EAF2: variants seen among roughly 807,000 people sequenced by gnomAD.
EAF2 encodes ELL-associated factor 2.
EAF2 carries 29 observed loss-of-function variants against 29.4 expected under a neutral mutation model. That is an observed-to-expected ratio of 0.99 (90% CI 0.73 to 1.35). The LOEUF is 1.35. EAF2 is among the 40% of genes most tolerant of loss of function. The pLI is 0.00. For missense variants in EAF2, 292 were observed against 312.0 expected (o/e 0.94, Z 0.48); for synonymous variants, 103 against 102.5 (o/e 1.00, Z -0.03).
chr3:121,837,887 A>C (rs181248168), intron 1 of EAF2: 2 of 152,274 alleles, frequency 1.3e-5, no homozygotes, highest in Admixed American at 1.3e-4. Context: ...GACCTACTAG[A>C]ATCAATTTTG....
chr3:121,852,777 T>C (rs1391512403), intron 2 of EAF2, among the ~76,000 whole-genome samples: 1 of 152,222 alleles, frequency 6.6e-6, no homozygotes, highest in Non-Finnish European at 1.5e-5. Flanking sequence ...TTTTATTATT[T>C]TTGTAATATT....
chr3:121,873,021 T>A (rs768553650), intron 5 of EAF2: 1 of 737,656 alleles, frequency 1.4e-6, no homozygotes, highest in South Asian at 1.5e-5. Context: ...TTCAAGTTTA[T>A]ATGATCCTCT....
intron 4 of EAF2, among the ~76,000 whole-genome samples, chr3:121,871,852 A>G (rs1013904078): frequency 2.0e-5 from 3 of 151,966 alleles, no homozygotes; most frequent in Non-Finnish European, 2.9e-5. Flanking sequence ...AGCTTTTGAC[A>G]TTTCTGGATC....
At chr3:121,874,664 A>G (rs1709067717) in intron 5 of EAF2, among the ~76,000 whole-genome samples, 1 of 151,956 alleles carries the variant, frequency 6.6e-6, no homozygotes, top group Non-Finnish European at 1.5e-5. Context: ...GATATTTTAT[A>G]TTTTAGAATT....
chr3:121,868,063 A>C (rs1431585796), intron 4 of EAF2, among the ~76,000 whole-genome samples: 1 of 152,224 alleles, frequency 6.6e-6, no homozygotes, highest in Non-Finnish European at 1.5e-5. Context: ...CAAATAACAA[A>C]TTGACACACT....
chr3:121,867,109 A>G (rs1576651527), intron 4 of EAF2, among the ~76,000 whole-genome samples: 2 of 152,214 alleles, frequency 1.3e-5, no homozygotes, highest in East Asian at 3.8e-4. Flanking sequence ...CAACCTGAAA[A>G]TAGAAAATAG....
chr3:121,868,557 C>T (rs1472033875), intron 4 of EAF2, among the ~76,000 whole-genome samples: 1 of 152,138 alleles, frequency 6.6e-6, no homozygotes, highest in Non-Finnish European at 1.5e-5. Context: ...GAGATCACGC[C>T]ACTGCACTGC....
In EAF2 at chr3:121,840,513, A is replaced by G. The variant is rs1484053794; in HGVS notation, c.107-3940A>G. Among the ~76,000 whole-genome samples, 12 of 116,884 alleles carry G rather than the reference A, an allele frequency of 1.0e-4. 1 individual carries two copies. Among genetic ancestry groups the G allele is most frequent in the Admixed American group, 7.4e-4 (9 of 12,172 alleles). The allele number at this position is 116,884 out of a possible 152,430, so 76.7% of individuals were successfully genotyped here. ...TAAAAAAAAAAAAAAAAAAAAGAAAAAAAAAAAACGGGCCGGGTGCGGTGG... is the reference window on the plus strand; with the variant it reads ...TAAAAAAAAAAAAAAAAAAAAGAAAGAAAAAAAACGGGCCGGGTGCGGTGG... On this transcript the variant is annotated intron_variant, in intron 1 of 5. Coordinates refer to ENST00000273668, the MANE Select transcript of EAF2 (RefSeq NM_018456.6).
At chr3:121,866,723 TTAAAAAAA>T (rs1225887577) in intron 4 of EAF2, among the ~76,000 whole-genome samples, 1 of 149,650 alleles carries the variant, frequency 6.7e-6, no homozygotes, top group Non-Finnish European at 1.5e-5. Context: ...AAACTCCATC[TTAAAAAAA>T]TAAAAAAAAT....
At chr3:121,852,914 A>T (rs1191691680) in intron 2 of EAF2, among the ~76,000 whole-genome samples, 1 of 152,228 alleles carries the variant, frequency 6.6e-6, no homozygotes, top group African/African-American at 2.4e-5. Flanking sequence ...GACAAACGTA[A>T]AATTCCTTCA....
intron 3 of EAF2, 40 bp from the exon 4 acceptor site, chr3:121,856,971 C>T: frequency 1.3e-6 from 2 of 1,549,654 alleles, no homozygotes; most frequent in Non-Finnish European, 1.7e-6. Context: ...TGTTACATTG[C>T]TGTCATACCT....
chr3:121,875,844 AG>A (rs34083279), intron 5 of EAF2, among the ~76,000 whole-genome samples: 129,816 of 151,682 alleles, frequency 0.86, 55,910 homozygotes, highest in East Asian at 0.92. Flanking sequence ...GACTGGATAC[AG>A]TTGATGAATA....
intron 1 of EAF2, among the ~76,000 whole-genome samples, chr3:121,842,148 C>T (rs34865234): frequency 0.21 from 32,525 of 152,144 alleles, 3,978 homozygotes; most frequent in Non-Finnish European, 0.28. Flanking sequence ...CTAGCCACTG[C>T]ACTCCAGCAT....
At position 121,847,533 on chromosome 3, in the gene EAF2, G is replaced by C. The variant is rs569192090; in HGVS notation, c.201+2986G>C. On this transcript the variant is annotated intron_variant, in intron 2 of 5. Transcript: ENST00000273668. ...GCTAGGTCAAAAGGCGTGCATATGA[G>C]GACAAGGAGGGTAATATTTAGATAT... is the stretch of plus-strand genomic sequence containing the variant. Among the ~76,000 whole-genome samples, 9 of 152,234 alleles carry C rather than the reference G, an allele frequency of 5.9e-5. No homozygotes were observed. The South Asian group carries it at 1.9e-3, about 32-fold the overall frequency.
At chr3:121,849,481 A>T (rs77117759) in intron 2 of EAF2, among the ~76,000 whole-genome samples, 15,561 of 152,204 alleles carry the variant, frequency 0.1, 838 homozygotes, top group South Asian at 0.16. Flanking sequence ...AAGACTTGTC[A>T]TTGGTGCTGA....
intron 2 of EAF2, among the ~76,000 whole-genome samples, chr3:121,854,209 T>C (rs1708679581): frequency 6.7e-6 from 1 of 148,898 alleles, no homozygotes; most frequent in South Asian, 2.1e-4. Context: ...CCAACTGCTC[T>C]GGAGGCTGAG....
intron 5 of EAF2, among the ~76,000 whole-genome samples, chr3:121,879,442 C>T (rs1709154724): frequency 6.6e-6 from 1 of 151,934 alleles, no homozygotes; most frequent in African/African-American, 2.4e-5. Context: ...TCAGGTCTTA[C>T]ATACAAAAAA....
intron 4 of EAF2, among the ~76,000 whole-genome samples, chr3:121,859,644 C>T (rs746139424): frequency 6.3e-4 from 95 of 151,930 alleles, no homozygotes; most frequent in Non-Finnish European, 1.2e-3. Context: ...CCTCTTTTCC[C>T]AATTGAATAC....
intron 2 of EAF2, 55 bp from the exon 3 acceptor site, chr3:121,854,632 C>T (rs1166307040): frequency 1.4e-6 from 2 of 1,397,662 alleles, no homozygotes; most frequent in Admixed American, 2.9e-5. Context: ...CAAAGGCCTT[C>T]CCAAGTGAAT....
Sources: allele counts gnomAD v4.1 joint callset (sites outside exome capture counted in the v4.1 genomes callset), GRCh38; gene constraint gnomAD v4.1.1; transcripts MANE v1.5; gene names NCBI Gene and HGNC (gene_info 2026-07-23, HGNC 2026-07-21).